Variants in PRDM16 observed in about 807,000 individuals in gnomAD.
The protein encoded by PRDM16 is histone-lysine N-methyltransferase PRDM16.
A neutral mutation model predicts 110.6 loss-of-function variants in PRDM16; 23 were observed. That is an observed-to-expected ratio of 0.21 (90% CI 0.15 to 0.29). The LOEUF (loss-of-function observed/expected upper bound fraction) is 0.29, where lower values mean the gene tolerates loss of function less well. Ranked by LOEUF, PRDM16 falls within the 10% of genes least tolerant of loss-of-function variation. PRDM16 has a pLI of 1.00. For synonymous variants in PRDM16, 799 were observed against 781.8 expected, an observed-to-expected ratio of 1.02 and a Z score of -0.37; for missense variants, 1,615 against 1,794.3, an observed-to-expected ratio of 0.90 and a Z score of 1.81.
chr1:3,347,887 C>T (rs953248982), intron 3 of PRDM16, among the ~76,000 whole-genome samples: 3 of 152,078 alleles, frequency 2.0e-5, no homozygotes, highest in Non-Finnish European at 4.4e-5. Context: ...AGCAGCTGCC[C>T]GAGCCCATCC....
chr1:3,353,433 C>T lies in PRDM16; in HGVS notation c.439-31719C>T, dbSNP rs1327556047. Among the ~76,000 whole-genome samples the T allele has an allele frequency of 6.6e-6, 1 of 152,198 alleles. No individual in the cohort carries two copies. Among genetic ancestry groups the T allele is most frequent in the Non-Finnish European group, 1.5e-5 (1 of 68,034 alleles). ...TGCGCATGGGGACACCATCCTGCAG[C>T]CTCTGCGTTTGTCCTTGGGGTCATT... On this transcript the variant is annotated intron_variant, in intron 3 of 16. Coordinates refer to ENST00000270722, the MANE Select transcript of PRDM16 (RefSeq NM_022114.4). The surrounding 1 kb of genome is among the most constrained non-coding windows in gnomAD (Gnocchi z 5.4).
At chr1:3,113,087 T>TG (rs947143937) in intron 1 of PRDM16, among the ~76,000 whole-genome samples, 1 of 152,218 alleles carries the variant, frequency 6.6e-6, no homozygotes, top group Admixed American at 6.5e-5. Context: ...TCTGTGATAC[T>TG]GGGGGGCCTC....
chr1:3,125,561 G>A (rs1053039752), intron 1 of PRDM16, among the ~76,000 whole-genome samples: 3 of 152,278 alleles, frequency 2.0e-5, no homozygotes, highest in Non-Finnish European at 1.5e-5. Context: ...GGCCCTGCCT[G>A]GCGCTCGCCA....
At chr1:3,260,046 G>C (rs1204448179) in intron 3 of PRDM16, among the ~76,000 whole-genome samples, 5 of 152,068 alleles carry the variant, frequency 3.3e-5, no homozygotes, top group Non-Finnish European at 7.4e-5. Flanking sequence ...ACAACTCCAG[G>C]GAAGACTTGC....
At chr1:3,074,546 C>T (rs1276844429) in intron 1 of PRDM16, among the ~76,000 whole-genome samples, 2 of 152,292 alleles carry the variant, frequency 1.3e-5, no homozygotes, top group East Asian at 1.9e-4. Context: ...GTGTAAGTGA[C>T]CTCACACCTG....
chr1:3,337,754 C>A (rs1385030950), intron 3 of PRDM16, among the ~76,000 whole-genome samples: 1 of 152,208 alleles, frequency 6.6e-6, no homozygotes, highest in Admixed American at 6.5e-5. Flanking sequence ...CCAGAGAGCA[C>A]ACGATAGAGT....
intron 3 of PRDM16, among the ~76,000 whole-genome samples, chr1:3,347,170 G>A (rs571205629): frequency 3.3e-5 from 5 of 152,196 alleles, no homozygotes; most frequent in Non-Finnish European, 7.3e-5. Flanking sequence ...GCAGGCGGCC[G>A]TCCCTCCCAG....
Position 3,412,689 on chromosome 1 carries a change from G to A in PRDM16, c.2492G>A (p.Arg831His), listed in dbSNP as rs1439171485. ...EPRKNHVYGE[R>H]KLGAGEGLPQ... is the part of the protein sequence containing the mutation. ...CGCAAGAACCACGTCTATGGGGAAC[G>A]CAAGCTGGGCGCCGGCGAGGGGCTG... The change falls in exon 9 of 17, where the codon CGC (arginine) becomes CAC (histidine). Residue 831 changes from arginine to histidine, a missense_variant. Transcript: ENST00000270722. 9 of 1,497,264 alleles carry A rather than the reference G, an allele frequency of 6.0e-6. No individual in the cohort carries two copies. Among genetic ancestry groups the A allele is most frequent in the East Asian group, 2.5e-5 (1 of 40,300 alleles). The allele number at this position is 1,497,264 out of a possible 1,614,324, so 92.7% of individuals were successfully genotyped here.
At chr1:3,144,255 C>T (rs1186720823) in intron 1 of PRDM16, among the ~76,000 whole-genome samples, 2 of 152,170 alleles carry the variant, frequency 1.3e-5, no homozygotes, top group Non-Finnish European at 2.9e-5. Context: ...GACCCAGCCC[C>T]GGTACATGGA....
At chr1:3,130,665 G>A (rs756984997) in intron 1 of PRDM16, among the ~76,000 whole-genome samples, 3 of 151,658 alleles carry the variant, frequency 2.0e-5, no homozygotes, top group Non-Finnish European at 4.4e-5. Context: ...CTTTGGGGAC[G>A]TTTGTCTTCA....
intron 3 of PRDM16, among the ~76,000 whole-genome samples, chr1:3,256,367 C>T (rs538030057): frequency 1.4e-4 from 21 of 152,286 alleles, no homozygotes; most frequent in Non-Finnish European, 2.5e-4. Context: ...TACATTCATG[C>T]GTAACCATGA....
At chr1:3,295,381 G>C (rs372949337) in intron 3 of PRDM16, among the ~76,000 whole-genome samples, 1 of 151,020 alleles carries the variant, frequency 6.6e-6, no homozygotes, top group Non-Finnish European at 1.5e-5. Flanking sequence ...GCTCCTCACC[G>C]CGGCTGGTCC....
intron 1 of PRDM16, among the ~76,000 whole-genome samples, chr1:3,074,282 T>C (rs1172305101): frequency 6.6e-6 from 1 of 152,118 alleles, no homozygotes; most frequent in Non-Finnish European, 1.5e-5. Flanking sequence ...GGAGGAACTC[T>C]TGGGAGGGCA....
chr1:3,276,684 G>GAGCCAGCGAGGGGTGCCGTGAACAA (rs796809094), intron 3 of PRDM16, among the ~76,000 whole-genome samples: 26 of 151,116 alleles, frequency 1.7e-4, no homozygotes, highest in African/African-American at 6.1e-4. Context: ...GCCGTGAACA[G>GAGCCAGCGAGGGGTGCCGTGAACAA]AGCCAGCGAG....
chr1:3,128,075 C>G (rs1035050192), intron 1 of PRDM16: 4 of 154,888 alleles, frequency 2.6e-5, no homozygotes, highest in Non-Finnish European at 4.4e-5. Context: ...CTCCTCCCCT[C>G]CCCCGTCAGC....
Position 3,245,564 on chromosome 1 carries a change from C to G in PRDM16, c.438+1427C>G, listed in dbSNP as rs909520052. ...TCGCTGGTGTGGCTGTGTCTGGCCT[C>G]CTGGGGTCCTTTTGTCCAAGGACAA... On this transcript the variant is annotated intron_variant, in intron 3 of 16. Coordinates refer to ENST00000270722, the MANE Select transcript of PRDM16 (RefSeq NM_022114.4). The surrounding 1 kb of genome is among the most constrained non-coding windows in gnomAD (Gnocchi z 4.7). Among the ~76,000 whole-genome samples the G allele has an allele frequency of 6.6e-6, 1 of 152,204 alleles. No individual in the cohort carries two copies. Among genetic ancestry groups the G allele is most frequent in the Non-Finnish European group, 1.5e-5 (1 of 68,032 alleles).
At position 3,143,369 on chromosome 1, in the gene PRDM16, C is replaced by G. The variant is rs923845854; in HGVS notation, c.38-42756C>G. Among the ~76,000 whole-genome samples the G allele has an allele frequency of 2.6e-5, 4 of 152,180 alleles. No individual in the cohort carries two copies. The highest frequency in any genetic ancestry group is 5.9e-5 in the Non-Finnish European group (4 of 68,032). On this transcript the variant is annotated intron_variant, in intron 1 of 16. Coordinates refer to ENST00000270722, the MANE Select transcript of PRDM16 (RefSeq NM_022114.4). The surrounding 1 kb of genome is among the most constrained non-coding windows in gnomAD (Gnocchi z 4.5). The stretch of plus-strand genomic sequence containing the variant: ...AGGGCTCCAAGCACCAGCCCCTCGC[C>G]CCAGTCCCAGCAGGTGGCCTCCCCA...
chr1:3,424,928 C>T (rs908092575), intron 12 of PRDM16: 16 of 152,106 alleles, frequency 1.1e-4, no homozygotes, highest in Non-Finnish European at 1.9e-4. Flanking sequence ...CTGCCGGCCC[C>T]GCGGCCTGGG....
At chr1:3,403,894 A>T (rs1643515664) in intron 6 of PRDM16, among the ~76,000 whole-genome samples, 1 of 152,110 alleles carries the variant, frequency 6.6e-6, no homozygotes, top group Non-Finnish European at 1.5e-5. Context: ...CTCCCTGGGG[A>T]CGGCAAACCC....
Sources: gnomAD v4.1 joint callset for allele counts (sites outside exome capture counted in the v4.1 genomes callset) on GRCh38, gnomAD v4.1.1 for gene constraint, Gnocchi (gnomAD v3.1) non-coding constraint, MANE v1.5 for transcripts, NCBI Gene and HGNC (gene_info 2026-07-23, HGNC 2026-07-21) for gene names.